EPB41L1: variants seen among roughly 807,000 people sequenced by gnomAD.
EPB41L1 encodes band 4.1-like protein 1.
In EPB41L1, 29 loss-of-function variants were observed where a neutral mutation model predicts 97.8. The observed-to-expected ratio is 0.30, with a 90% CI of 0.22 to 0.40. The LOEUF is 0.40. EPB41L1 is among the 10% of genes least tolerant of loss of function. EPB41L1 has a pLI of 1.00. For synonymous variants in EPB41L1, 383 were observed against 459.2 expected (o/e 0.83, Z 2.12); for missense variants, 812 against 1,162.3 (o/e 0.70, Z 4.38).
At chr20:36,142,623 C>T (rs779685453) in intron 2 of EPB41L1, among the ~76,000 whole-genome samples, 22 of 152,162 alleles carry the variant, frequency 1.4e-4, no homozygotes, top group African/African-American at 2.9e-4. Context: ...CTCACTTGCA[C>T]GGATTGGGCG....
chr20:36,148,517 G>A (rs926531765), intron 2 of EPB41L1, among the ~76,000 whole-genome samples: 5 of 152,232 alleles, frequency 3.3e-5, no homozygotes, highest in Non-Finnish European at 7.3e-5. Context: ...AGGCTGAAGA[G>A]CCAGGTGAGA....
intron 14 of EPB41L1, among the ~76,000 whole-genome samples, chr20:36,202,358 G>A (rs978118937): frequency 5.3e-5 from 8 of 152,192 alleles, no homozygotes; most frequent in Non-Finnish European, 7.3e-5. Flanking sequence ...GCTGGTGCCC[G>A]CTACCGCTCT....
At chr20:36,169,966 C>A (rs2060916241) in intron 1 of EPB41L1, among the ~76,000 whole-genome samples, 1 of 152,246 alleles carries the variant, frequency 6.6e-6, no homozygotes, top group Admixed American at 6.5e-5. Context: ...CAGTGCCTGG[C>A]CCAGCCTAGC....
chr20:36,106,385 A>G lies in EPB41L1; in HGVS notation c.-64-6041A>G, dbSNP rs556277157. Among the ~76,000 whole-genome samples the G allele has an allele frequency of 2.6e-5, 4 of 152,212 alleles. No homozygotes were observed. The South Asian group carries it at 8.3e-4, about 31-fold the overall frequency. On this transcript the variant is annotated intron_variant, in intron 1 of 19. Coordinates refer to the EPB41L1 transcript ENST00000202028. ...CTGAGCCTCGGGGTAGGCCCCTGCC[A>G]AAGTTTAGGGACAGAGCTCAGGGTT...
chr20:36,187,682 G>A lies in EPB41L1; in HGVS notation c.792G>A (p.Met264Ile), dbSNP rs2061742417. Residue 264 changes from methionine (M) to isoleucine (I), a missense_variant, in exon 8 of 22, where the codon ATG (methionine) becomes ATA (isoleucine). Physicochemically the swap from Met to Ile is conservative, Grantham distance 10. This residue lies in a region of EPB41L1 where 230 missense variants were observed against 445.2 expected (regional missense o/e 0.52). Coordinates refer to ENST00000338074, the MANE Select transcript of EPB41L1 (RefSeq NM_012156.2). ...IMELHKTYRG[M>I]TPGEAEIHFL... Reference sequence around the variant, plus strand: ...ATCACTTTCTTTCCCTCAGGGGGATGACCCCGGGAGAAGCAGAAATCCACT... The same window carrying A: ...ATCACTTTCTTTCCCTCAGGGGGATAACCCCGGGAGAAGCAGAAATCCACT... The A allele has an allele frequency of 6.2e-7, 1 of 1,613,862 alleles. No individual in the cohort carries two copies. The highest frequency in any genetic ancestry group is 1.7e-5 in the Admixed American group (1 of 59,986).
chr20:36,169,339 A>T (rs2081069937), intron 1 of EPB41L1, among the ~76,000 whole-genome samples: 1 of 152,162 alleles, frequency 6.6e-6, no homozygotes. Flanking sequence ...CTGACTCCAC[A>T]GCCTGTGCTG....
At chr20:36,183,702 T>C (rs186672741) in intron 6 of EPB41L1, among the ~76,000 whole-genome samples, 1 of 152,274 alleles carries the variant, frequency 6.6e-6, no homozygotes, top group East Asian at 1.9e-4. Flanking sequence ...AATGACAAAT[T>C]GATTGAAATG....
At chr20:36,096,406 C>T (rs1367256668) in intron 1 of EPB41L1, among the ~76,000 whole-genome samples, 5 of 152,186 alleles carry the variant, frequency 3.3e-5, no homozygotes, top group Non-Finnish European at 7.4e-5. Context: ...TCAGTTTCTC[C>T]AATTCTTACT....
intron 21 of EPB41L1, among the ~76,000 whole-genome samples, chr20:36,226,837 A>G (rs1228704276): frequency 6.6e-6 from 1 of 152,212 alleles, no homozygotes; most frequent in African/African-American, 2.4e-5. Flanking sequence ...GACATCCCAC[A>G]TACCCAGAAT....
At chr20:36,170,259 A>G (rs2060932554) in intron 1 of EPB41L1, among the ~76,000 whole-genome samples, 1 of 151,970 alleles carries the variant, frequency 6.6e-6, no homozygotes, top group Non-Finnish European at 1.5e-5. Flanking sequence ...TTCTTTTTTG[A>G]CCTCTAACTT....
At position 36,212,453 on chromosome 20, in the gene EPB41L1, A is replaced by G. The variant is rs760177327; in HGVS notation, c.2184+77A>G. ...GTAGGGTCCCCACTGCTGTGGCCAAACCCCTTGGCCAGCTCTTTTAATCTC... is the reference window on the plus strand; with the variant it reads ...GTAGGGTCCCCACTGCTGTGGCCAAGCCCCTTGGCCAGCTCTTTTAATCTC... On this transcript the variant is annotated intron_variant, in intron 16 of 21. Transcript: ENST00000338074. This position sits in a 1 kb window ranked among gnomAD's most constrained non-coding sequence, Gnocchi z 4.8. The G allele has an allele frequency of 2.6e-5, 32 of 1,230,868 alleles. No individual in the cohort carries two copies. Among genetic ancestry groups the G allele is most frequent in the Non-Finnish European group, 3.7e-5 (31 of 839,450 alleles). The allele number at this position is 1,230,868 out of a possible 1,614,324, so 76.2% of individuals were successfully genotyped here. A position where few individuals can be genotyped will look rare whatever the true frequency, so the allele number is the denominator to read the frequency against.
chr20:36,178,839 T>C (rs1246897976), intron 5 of EPB41L1, among the ~76,000 whole-genome samples, 167 bp downstream of exon 5: 5 of 151,936 alleles, frequency 3.3e-5, no homozygotes, highest in Admixed American at 6.6e-5. Context: ...GGTGGATCAC[T>C]TGAGGTCAGG....
Position 36,092,648 on chromosome 20 carries a change from G to A in EPB41L1, c.-65+1036G>A, listed in dbSNP as rs2057690533. Reference sequence around the variant, plus strand: ...AGCGGCGAGAGGGGGTGTGGGGGGCGGGCGAGGAGGGGGCTGAGCGCCGTG... The same window carrying A: ...AGCGGCGAGAGGGGGTGTGGGGGGCAGGCGAGGAGGGGGCTGAGCGCCGTG... On this transcript the variant is annotated intron_variant, in intron 1 of 19. Coordinates refer to the EPB41L1 transcript ENST00000202028. This position sits in a 1 kb window ranked among gnomAD's most constrained non-coding sequence, Gnocchi z 7.0. 6.6e-6 allele frequency: 1 copy of A among 151,730 alleles called. No individual in the cohort carries two copies. The highest frequency in any genetic ancestry group is 6.6e-5 in the Admixed American group (1 of 15,230). 9.4% of individuals were successfully genotyped at this position (151,730 alleles called of 1,614,324 possible).
At chr20:36,103,764 CGT>C (rs1784107804) in intron 1 of EPB41L1, among the ~76,000 whole-genome samples, 1 of 143,326 alleles carries the variant, frequency 7.0e-6, no homozygotes, top group South Asian at 2.2e-4. Flanking sequence ...AGTGCAGTGG[CGT>C]GATCCAGCTC....
intron 6 of EPB41L1, among the ~76,000 whole-genome samples, chr20:36,183,878 C>T (rs552574797): frequency 6.6e-6 from 1 of 152,170 alleles, no homozygotes; most frequent in Admixed American, 6.5e-5. Flanking sequence ...TTTGCCAGGA[C>T]TTCAGTTCTG....
Position 36,155,167 on chromosome 20 carries a change from C to T in EPB41L1, c.-15+271C>T, listed in dbSNP as rs1436044186. On this transcript the variant is annotated intron_variant, in intron 1 of 21. Coordinates refer to ENST00000338074, the MANE Select transcript of EPB41L1 (RefSeq NM_012156.2). ...GAGCGGTGGGTGGGCGCTGGGCTCC[C>T]ACCGGCTGGCCCAGTCTCTTTTCGG... The T allele has an allele frequency of 6.6e-6, 3 of 457,254 alleles. No homozygotes were observed. The East Asian group carries it at 2.1e-4, about 32-fold the overall frequency. 28.3% of individuals were successfully genotyped at this position (457,254 alleles called of 1,614,324 possible).
chr20:36,104,158 G>T (rs2058113791), intron 1 of EPB41L1, among the ~76,000 whole-genome samples: 1 of 152,204 alleles, frequency 6.6e-6, no homozygotes, highest in South Asian at 2.1e-4. Flanking sequence ...AGAAGTCAGT[G>T]TCTGGCAGAG....
chr20:36,118,864 T>G (rs2058666402), intron 2 of EPB41L1, among the ~76,000 whole-genome samples: 1 of 152,184 alleles, frequency 6.6e-6, no homozygotes, highest in Admixed American at 6.5e-5. Context: ...TAAGGAGGAC[T>G]TAGGGCAAGA....
chr20:36,214,918 C>T (rs1289806044), intron 17 of EPB41L1, among the ~76,000 whole-genome samples: 2 of 151,858 alleles, frequency 1.3e-5, no homozygotes, highest in Middle Eastern at 3.4e-3. Context: ...TTGGGACCTC[C>T]CTATTGAGGG....
Sources: allele counts gnomAD v4.1 joint callset (sites outside exome capture counted in the v4.1 genomes callset), GRCh38; gene constraint gnomAD v4.1.1; regional missense constraint gnomAD v4.1.1; non-coding constraint Gnocchi (gnomAD v3.1); transcripts MANE v1.5; gene names NCBI Gene and HGNC (gene_info 2026-07-23, HGNC 2026-07-21).